Variants in SLC14A2 observed in about 807,000 individuals in gnomAD.
The protein encoded by SLC14A2 is urea transporter 2.
Under a neutral mutation model 104.6 loss-of-function variants are expected in SLC14A2, and 91 were observed. The observed-to-expected ratio is 0.87, with a 90% CI of 0.73 to 1.04. SLC14A2 has a LOEUF of 1.04. Among genes scored for constraint, SLC14A2 ranks in the 50% least tolerant of loss-of-function variants. The probability of loss-of-function intolerance (pLI) is 0.00; values close to 1 mark genes in which losing one functional copy is unlikely to be tolerated. For missense variants in SLC14A2, 1,189 were observed against 1,156.0 expected (o/e 1.03, Z -0.41); for synonymous variants, 476 against 466.4 (o/e 1.02, Z -0.27).
At chr18:45,631,298 A>G (rs954786475) in intron 4 of SLC14A2, among the ~76,000 whole-genome samples, 1 of 152,252 alleles carries the variant, frequency 6.6e-6, no homozygotes, top group African/African-American at 2.4e-5. Flanking sequence ...GGGACTGACC[A>G]CAAGCACACA....
chr18:45,390,768 G>A (rs1401512523), intron 1 of SLC14A2, among the ~76,000 whole-genome samples: 8 of 152,100 alleles, frequency 5.3e-5, no homozygotes, highest in Non-Finnish European at 1.0e-4. Flanking sequence ...ACCAAGCTGC[G>A]CACCTTTCAC....
intron 2 of SLC14A2, among the ~76,000 whole-genome samples, chr18:45,598,880 G>A (rs1024910338): frequency 1.3e-5 from 2 of 152,278 alleles, no homozygotes; most frequent in South Asian, 2.1e-4. Context: ...CACGCAGACC[G>A]CTTGCTTCAT....
chr18:45,448,124 C>T (rs975136066), intron 1 of SLC14A2, among the ~76,000 whole-genome samples: 2 of 152,190 alleles, frequency 1.3e-5, no homozygotes, highest in Admixed American at 1.3e-4. Context: ...CCACCTGCTT[C>T]TATTCTAGGC....
At chr18:45,238,891 G>A (rs958607367) in intron 1 of SLC14A2, among the ~76,000 whole-genome samples, 17 of 151,968 alleles carry the variant, frequency 1.1e-4, no homozygotes, top group African/African-American at 2.4e-4. Flanking sequence ...CCTAGAAGGC[G>A]TTGTCCCCAA....
chr18:45,203,602 T>C, the SLC14A2 span, among the ~76,000 whole-genome samples: 2 of 152,194 alleles, frequency 1.3e-5, no homozygotes, highest in African/African-American at 4.8e-5. Flanking sequence ...GCCAATAGTA[T>C]AGATAATTTG....
At chr18:45,543,239 C>T (rs778221599) in intron 2 of SLC14A2, among the ~76,000 whole-genome samples, 7 of 152,056 alleles carry the variant, frequency 4.6e-5, no homozygotes, top group African/African-American at 9.7e-5. Context: ...TGAGCCACTG[C>T]GCCCAGCCTG....
chr18:45,440,489 A>C (rs1285081379), intron 1 of SLC14A2: 1 of 152,236 alleles, frequency 6.6e-6, no homozygotes, highest in Non-Finnish European at 1.5e-5. Flanking sequence ...GCCAGACCAC[A>C]TGTCCACATC....
Position 45,644,119 on chromosome 18 carries a change from A to C in SLC14A2, c.1310A>C (p.Tyr437Ser), listed in dbSNP as rs1447959719. 1 of 1,614,040 alleles carries C rather than the reference A, an allele frequency of 6.2e-7. No homozygotes were observed. The highest frequency in any genetic ancestry group is 2.2e-5 in the East Asian group (1 of 44,886). ...TACCCCGAGGCCAACCGCATCTACT[A>C]CCTGACAGTGAAAAGCGGTGAAGAA... Reference protein sequence around the residue: ...VTYPEANRIYYLTVKSGEEEK... With the variant: ...VTYPEANRIYSLTVKSGEEEK... Residue 437 changes from tyrosine to serine, a missense_variant, in exon 10 of 20, where the codon TAC (tyrosine) becomes TCC (serine). Tyr to Ser is a moderately radical substitution (Grantham distance 144). Coordinates refer to ENST00000255226, the MANE Select transcript of SLC14A2 (RefSeq NM_007163.4).
At chr18:45,358,199 G>C (rs562938808) in intron 1 of SLC14A2, among the ~76,000 whole-genome samples, 58 of 152,264 alleles carry the variant, frequency 3.8e-4, no homozygotes, top group Non-Finnish European at 7.9e-4. Flanking sequence ...AAACCAGCTT[G>C]GTTTCCCTGG....
At chr18:45,575,520 G>A (rs925573880) in intron 2 of SLC14A2, among the ~76,000 whole-genome samples, 1 of 151,764 alleles carries the variant, frequency 6.6e-6, no homozygotes, top group Non-Finnish European at 1.5e-5. Flanking sequence ...GCAGATCTAG[G>A]GCTTCAGAAG....
At chr18:45,178,874 T>A in the SLC14A2 span, among the ~76,000 whole-genome samples, 2 of 152,310 alleles carry the variant, frequency 1.3e-5, no homozygotes, top group African/African-American at 4.8e-5. Flanking sequence ...TAATAAAATA[T>A]TTTTGAGCTG....
chr18:45,420,428 C>T (rs75672398), intron 1 of SLC14A2, among the ~76,000 whole-genome samples: 2,993 of 152,168 alleles, frequency 0.02, 36 homozygotes, highest in Non-Finnish European at 0.032. Flanking sequence ...ATCCACAGAT[C>T]CACACGAGGA....
chr18:45,411,963 A>G (rs1243849597), intron 1 of SLC14A2, among the ~76,000 whole-genome samples: 1 of 152,018 alleles, frequency 6.6e-6, no homozygotes, highest in African/African-American at 2.4e-5. Flanking sequence ...GAACACATGC[A>G]CTCCCAACCA....
At chr18:45,171,233 G>T in the SLC14A2 span, among the ~76,000 whole-genome samples, 14 of 152,180 alleles carry the variant, frequency 9.2e-5, no homozygotes, top group South Asian at 2.7e-3. Context: ...AAATGTAAGT[G>T]GGTGTCCTGC....
intron 2 of SLC14A2, among the ~76,000 whole-genome samples, chr18:45,516,795 G>C (rs77230295): frequency 0.013 from 1,951 of 152,322 alleles, 44 homozygotes; most frequent in African/African-American, 0.045. Context: ...TTGGCTCCAA[G>C]GAGCTCACTC....
intron 1 of SLC14A2, among the ~76,000 whole-genome samples, chr18:45,474,544 T>A (rs536445905): frequency 2.0e-5 from 3 of 152,336 alleles, no homozygotes; most frequent in Admixed American, 2.0e-4. Flanking sequence ...AATTATTGCC[T>A]CAATTTCAGA....
rs569297956 is a variant in SLC14A2, at chr18:45,453,260, G to A, written c.-124-29973G>A. 4.6e-5 allele frequency among the ~76,000 whole-genome samples: 7 copies of A among 152,146 alleles called. No individual in the cohort carries two copies. The South Asian group carries it at 1.5e-3, about 32-fold the overall frequency. On this transcript the variant is annotated intron_variant, in intron 1 of 20. Transcript: ENST00000586448. ...CTTCCCTAGGGATGAATGGCAGGAG[G>A]CTCCCCTCTGCCTTTAGCTGTGCCC...
chr18:45,510,960 T>C (rs1241594322), intron 2 of SLC14A2, among the ~76,000 whole-genome samples: 1 of 152,106 alleles, frequency 6.6e-6, no homozygotes, highest in African/African-American at 2.4e-5. Flanking sequence ...GACTTCTTTT[T>C]CCCCCTCCTC....
At chr18:45,379,307 G>C (rs1421316347) in intron 1 of SLC14A2, among the ~76,000 whole-genome samples, 1 of 152,164 alleles carries the variant, frequency 6.6e-6, no homozygotes, top group Non-Finnish European at 1.5e-5. Flanking sequence ...CCAAAAGCTG[G>C]CTTCTTATAA....
Sources: gnomAD v4.1 joint callset for allele counts (sites outside exome capture counted in the v4.1 genomes callset) on GRCh38, gnomAD v4.1.1 for gene constraint, MANE v1.5 for transcripts, NCBI Gene and HGNC (gene_info 2026-07-23, HGNC 2026-07-21) for gene names.